MCCC1: variants seen among roughly 807,000 people sequenced by gnomAD.
The protein encoded by MCCC1 is methylcrotonyl-CoA carboxylase subunit 1.
A neutral mutation model predicts 83.8 loss-of-function variants in MCCC1; 64 were observed. The observed-to-expected ratio is 0.76, with a 90% confidence interval of 0.62 to 0.94. The LOEUF (loss-of-function observed/expected upper bound fraction) is 0.94, where lower values mean the gene tolerates loss of function less well. Among genes scored for constraint, MCCC1 ranks in the 40% least tolerant of loss-of-function variants. The probability of loss-of-function intolerance (pLI) is 0.00; values close to 1 mark genes in which losing one functional copy is unlikely to be tolerated. For synonymous variants in MCCC1, 322 were observed against 315.4 expected, an observed-to-expected ratio of 1.02 and a Z score of -0.22; for missense variants, 807 against 904.7, an observed-to-expected ratio of 0.89 and a Z score of 1.39.
chr3:183,015,646 C>A, intron 18 of MCCC1, 80 bp from the exon 19 acceptor site: 1 of 1,565,474 alleles, frequency 6.4e-7, no homozygotes, highest in African/African-American at 1.4e-5. Context: ...GAAAGGGAGA[C>A]CAAAAATGAA....
intron 7 of MCCC1, among the ~76,000 whole-genome samples, chr3:183,067,965 G>T (rs752655846): frequency 6.6e-6 from 1 of 152,040 alleles, no homozygotes; most frequent in African/African-American, 2.4e-5. Flanking sequence ...TCAACATACC[G>T]ATGCTTTCTA....
At chr3:183,056,855 C>T (rs149672335) in intron 8 of MCCC1, among the ~76,000 whole-genome samples, 62 of 152,224 alleles carry the variant, frequency 4.1e-4, no homozygotes, top group Admixed American at 3.8e-3. Context: ...CCACCAAGCC[C>T]GGCTAATTTT....
intron 1 of MCCC1, among the ~76,000 whole-genome samples, chr3:183,113,793 T>G (rs151121038): frequency 6.6e-6 from 1 of 152,162 alleles, no homozygotes; most frequent in East Asian, 1.9e-4. Flanking sequence ...CTCTAGCAAA[T>G]TAATAGAACC....
intron 3 of MCCC1, among the ~76,000 whole-genome samples, chr3:183,091,266 G>T (rs749570527): frequency 1.3e-5 from 2 of 152,138 alleles, no homozygotes; most frequent in Non-Finnish European, 2.9e-5. Flanking sequence ...GTTATTTCTG[G>T]TGGATAAAAG....
At chr3:183,022,274 G>C in intron 16 of MCCC1, 143 bp downstream of exon 16, 1 of 993,294 alleles carries the variant, frequency 1.0e-6, no homozygotes, top group South Asian at 1.4e-5. Flanking sequence ...AAGAAACACA[G>C]AATGGTGGGG....
chr3:183,113,937 C>T (rs542567817), intron 1 of MCCC1, among the ~76,000 whole-genome samples: 5 of 152,138 alleles, frequency 3.3e-5, no homozygotes, highest in East Asian at 3.9e-4. Flanking sequence ...GCCCTCAACC[C>T]GTGGGTGTAA....
At chr3:183,069,956 C>T (rs1220785882) in intron 7 of MCCC1, among the ~76,000 whole-genome samples, 2 of 152,160 alleles carry the variant, frequency 1.3e-5, no homozygotes, top group African/African-American at 4.8e-5. Context: ...GTTCAAATCT[C>T]AGCTTTACTA....
intron 12 of MCCC1, 33 bp downstream of exon 12, chr3:183,038,993 T>A: frequency 6.3e-7 from 1 of 1,583,492 alleles, no homozygotes; most frequent in Middle Eastern, 1.7e-4. Context: ...ACCAAACACA[T>A]CAAGGTCACT....
rs1047527001 is a variant in MCCC1, at chr3:183,107,699, C to G, written c.-102+7775G>C. Among the ~76,000 whole-genome samples the G allele has an allele frequency of 1.2e-4, 18 of 147,650 alleles. No homozygotes were observed. In the East Asian group the frequency reaches 3.6e-3, roughly 29 times the overall value. On this transcript the variant is annotated intron_variant, in intron 1 of 17. Coordinates refer to the MCCC1 transcript ENST00000492597. ...CTGGGATTACAGGCGCATGCCACCA[C>G]GCCTGGCTAGTTTTCTTTTCTTTCT...
intron 4 of MCCC1, among the ~76,000 whole-genome samples, chr3:183,079,271 T>C (rs947838062): frequency 6.6e-6 from 1 of 152,182 alleles, no homozygotes; most frequent in African/African-American, 2.4e-5. Context: ...GCAAGTCCCT[T>C]CCGCCTATAA....
chr3:183,081,335 C>G (rs556168406), intron 4 of MCCC1, among the ~76,000 whole-genome samples: 1 of 152,282 alleles, frequency 6.6e-6, no homozygotes, highest in South Asian at 2.1e-4. Context: ...TACTAACATG[C>G]CTTTATTAGT....
chr3:183,104,840 C>T (rs2108583416), intron 1 of MCCC1, among the ~76,000 whole-genome samples: 1 of 152,322 alleles, frequency 6.6e-6, no homozygotes, highest in East Asian at 1.9e-4. Context: ...TCACACTTTA[C>T]TGTTGCAAGT....
chr3:183,037,654 T>A (rs1383147726), intron 12 of MCCC1, among the ~76,000 whole-genome samples: 1 of 152,172 alleles, frequency 6.6e-6, no homozygotes, highest in East Asian at 1.9e-4. Flanking sequence ...ACTATATCCA[T>A]CTGGACTTGA....
upstream of MCCC1, among the ~76,000 whole-genome samples, chr3:183,101,739 GCTCTTTGCAATAAATCTTGCTACTGCTCA>G (rs1560294184): frequency 2.0e-5 from 3 of 152,146 alleles, no homozygotes; most frequent in Admixed American, 1.3e-4. Context: ...TTGTTCTTTC[GCTCTTTGCAATAAATCTTGCTACTGCTCA>G]CTCTTTGGGT....
intron 9 of MCCC1, among the ~76,000 whole-genome samples, chr3:183,049,341 G>C (rs1714780664): frequency 6.6e-6 from 1 of 152,028 alleles, no homozygotes; most frequent in Middle Eastern, 3.2e-3. Flanking sequence ...CTTGGCCACA[G>C]CGGGCAGCTC....
At chr3:183,055,480 T>C (rs1404775612) in intron 8 of MCCC1, among the ~76,000 whole-genome samples, 1 of 152,160 alleles carries the variant, frequency 6.6e-6, no homozygotes, top group East Asian at 1.9e-4. Context: ...TAACTGTCAA[T>C]ATACCAAAGT....
intron 1 of MCCC1, among the ~76,000 whole-genome samples, chr3:183,095,435 A>G (rs1486887564): frequency 6.6e-6 from 1 of 152,186 alleles, no homozygotes; most frequent in Non-Finnish European, 1.5e-5. Flanking sequence ...AGAGAAATAA[A>G]CGGAAGTTAA....
chr3:183,095,687 TCTC>T (rs1718687080), intron 1 of MCCC1, among the ~76,000 whole-genome samples: 1 of 152,158 alleles, frequency 6.6e-6, no homozygotes, highest in African/African-American at 2.4e-5. Flanking sequence ...ATTTCCTGGC[TCTC>T]CTAAGAATCA....
upstream of MCCC1, among the ~76,000 whole-genome samples, chr3:183,103,954 G>A (rs905356202): frequency 6.6e-6 from 1 of 152,156 alleles, no homozygotes; most frequent in Non-Finnish European, 1.5e-5. Flanking sequence ...GCACTGCTGG[G>A]GGACCCAGTA....
Sources: allele counts gnomAD v4.1 joint callset (sites outside exome capture counted in the v4.1 genomes callset), GRCh38; gene constraint gnomAD v4.1.1; transcripts MANE v1.5; gene names NCBI Gene and HGNC (gene_info 2026-07-23, HGNC 2026-07-21).